The following SPON1 variants were observed in gnomAD, a reference collection of about 807,000 sequenced individuals.
SPON1 encodes spondin 1, also known as spondin-1.
In SPON1, 52 loss-of-function variants were observed where a neutral mutation model predicts 111.7. The observed-to-expected ratio is 0.47, with a 90% CI of 0.37 to 0.59. The LOEUF is 0.59. SPON1 is among the 20% of genes least tolerant of loss of function. The pLI, the probability that SPON1 is intolerant of heterozygous loss-of-function variation, is 0.00. For synonymous variants in SPON1, 410 were observed against 395.8 expected (o/e 1.04, Z -0.43); for missense variants, 957 against 1,068.5 (o/e 0.90, Z 1.46).
At chr11:14,124,016 G>C (rs542721319) in intron 5 of SPON1, among the ~76,000 whole-genome samples, 3 of 152,348 alleles carry the variant, frequency 2.0e-5, no homozygotes, top group Admixed American at 2.0e-4. Flanking sequence ...CAGAAGTCAA[G>C]TGAGCATATG....
chr11:14,003,359 G>A (rs1328895614), intron 2 of SPON1, among the ~76,000 whole-genome samples: 1 of 152,178 alleles, frequency 6.6e-6, no homozygotes, highest in Non-Finnish European at 1.5e-5. Context: ...ACCGAACAGC[G>A]AGAGAAAAGG....
At chr11:14,184,263 T>C (rs1030369419) in intron 6 of SPON1, among the ~76,000 whole-genome samples, 1 of 152,198 alleles carries the variant, frequency 6.6e-6, no homozygotes, top group African/African-American at 2.4e-5. Flanking sequence ...ATCTACTAAC[T>C]TATAGCTATT....
Position 14,257,668 on chromosome 11 carries a change from G to A in SPON1, c.1310-48G>A, listed in dbSNP as rs553529583. 11 of 1,519,872 alleles carry A rather than the reference G, an allele frequency of 7.2e-6. No homozygotes were observed. The African/African-American group carries it at 8.2e-5, about 11-fold the overall frequency. The allele number at this position is 1,519,872 out of a possible 1,614,324, so 94.1% of individuals were successfully genotyped here. A position where few individuals can be genotyped will look rare whatever the true frequency, so the allele number is the denominator to read the frequency against. ...AGCTGGTATGGGGAGAGGGCCAGTG[G>A]CAGCTCCCATAGGTTCCCAGGGAAA... is the stretch of plus-strand genomic sequence containing the variant. On this transcript the variant is annotated intron_variant, in intron 10 of 15. Transcript: ENST00000576479.
chr11:14,042,460 GT>G (rs1554917385), intron 3 of SPON1, among the ~76,000 whole-genome samples: 1 of 152,052 alleles, frequency 6.6e-6, no homozygotes, highest in African/African-American at 2.4e-5. Flanking sequence ...AACATTCACA[GT>G]TTGGTGAAAC....
chr11:14,221,163 T>A (rs1848676539), intron 6 of SPON1, among the ~76,000 whole-genome samples: 1 of 152,158 alleles, frequency 6.6e-6, no homozygotes, highest in South Asian at 2.1e-4. Flanking sequence ...ATTTTGTGCA[T>A]CCTCCTGAAA....
intron 6 of SPON1, among the ~76,000 whole-genome samples, chr11:14,198,679 A>C (rs1405558136): frequency 6.6e-6 from 1 of 152,116 alleles, no homozygotes; most frequent in Non-Finnish European, 1.5e-5. Context: ...TGGACTCAGC[A>C]CCTCTTTCGG....
chr11:14,236,801 G>C (rs1451695291), intron 6 of SPON1, among the ~76,000 whole-genome samples: 1 of 152,038 alleles, frequency 6.6e-6, no homozygotes, highest in Non-Finnish European at 1.5e-5. Flanking sequence ...GACCAGCTGT[G>C]TCAAATACTG....
At chr11:14,133,360 T>C (rs981420251) in intron 5 of SPON1, among the ~76,000 whole-genome samples, 3 of 152,202 alleles carry the variant, frequency 2.0e-5, no homozygotes, top group Non-Finnish European at 2.9e-5. Context: ...TTCAGCCTAG[T>C]GAGATAACAG....
At chr11:14,118,709 G>A (rs1048194473) in intron 5 of SPON1, among the ~76,000 whole-genome samples, 13 of 152,102 alleles carry the variant, frequency 8.5e-5, no homozygotes, top group East Asian at 5.8e-4. Context: ...AACTAATCCC[G>A]GTGACAGGCA....
chr11:14,212,194 G>A (rs187056012), intron 6 of SPON1, among the ~76,000 whole-genome samples: 9 of 151,468 alleles, frequency 5.9e-5, no homozygotes, highest in Non-Finnish European at 1.0e-4. Flanking sequence ...GATGGAGTCC[G>A]GCCTTGTCTG....
At chr11:14,255,338 C>T (rs782441751) in intron 8 of SPON1, among the ~76,000 whole-genome samples, 12 of 152,146 alleles carry the variant, frequency 7.9e-5, no homozygotes, top group South Asian at 4.1e-4. Flanking sequence ...TTTCCAATGC[C>T]GGGTCTATTA....
At chr11:14,122,361 G>A (rs557020297) in intron 5 of SPON1, among the ~76,000 whole-genome samples, 5 of 152,204 alleles carry the variant, frequency 3.3e-5, no homozygotes, top group African/African-American at 1.2e-4. Flanking sequence ...TTTTAGTAGA[G>A]ACAGGGTTTC....
intron 6 of SPON1, among the ~76,000 whole-genome samples, chr11:14,194,095 G>A (rs1848375376): frequency 6.6e-6 from 1 of 152,186 alleles, no homozygotes; most frequent in Non-Finnish European, 1.5e-5. Flanking sequence ...CTCATCCTGT[G>A]CCCAGCACAG....
intron 14 of SPON1, among the ~76,000 whole-genome samples, chr11:14,261,455 C>T (rs1178083524): frequency 6.6e-6 from 1 of 152,216 alleles, no homozygotes; most frequent in Non-Finnish European, 1.5e-5. Context: ...GCCGATGACT[C>T]AGCACCTCTG....
intron 3 of SPON1, among the ~76,000 whole-genome samples, chr11:14,046,226 G>A (rs923735175): frequency 4.6e-5 from 7 of 152,116 alleles, no homozygotes; most frequent in African/African-American, 9.7e-5. Flanking sequence ...TAAGACCTTC[G>A]GTTAAGGGAA....
At chr11:14,248,277 G>T (rs1238142169) in intron 7 of SPON1, among the ~76,000 whole-genome samples, 1 of 152,162 alleles carries the variant, frequency 6.6e-6, no homozygotes, top group African/African-American at 2.4e-5. Flanking sequence ...ATGAGGTTAT[G>T]GAGTCAGCAA....
At position 14,192,359 on chromosome 11, in the gene SPON1, A is replaced by G. The variant is rs77377478; in HGVS notation, c.826-50973A>G. On this transcript the variant is annotated intron_variant, in intron 6 of 15. Coordinates refer to ENST00000576479, the MANE Select transcript of SPON1 (RefSeq NM_006108.4). ...CTGTTATGTCCTCAGTGCCTTGCACATAATAGATGCTCCATAAATATTTGT... is the reference window on the plus strand; with the variant it reads ...CTGTTATGTCCTCAGTGCCTTGCACGTAATAGATGCTCCATAAATATTTGT... 2.1e-3 allele frequency among the ~76,000 whole-genome samples: 315 copies of G among 152,280 alleles called. 3 individuals carry two copies. The East Asian group carries it at 0.052, about 25-fold the overall frequency.
intron 2 of SPON1, among the ~76,000 whole-genome samples, chr11:14,037,161 G>T (rs761450889): frequency 3.9e-5 from 6 of 151,976 alleles, no homozygotes; most frequent in African/African-American, 1.5e-4. Flanking sequence ...TGCACAATGT[G>T]CAGGTTTGTT....
At chr11:14,173,085 T>C (rs1251942848) in intron 6 of SPON1, among the ~76,000 whole-genome samples, 1 of 151,920 alleles carries the variant, frequency 6.6e-6, no homozygotes, top group African/African-American at 2.4e-5. Flanking sequence ...TCCTGCAGAG[T>C]GTTTTCCAAC....
Sources: gnomAD v4.1 joint callset for allele counts (sites outside exome capture counted in the v4.1 genomes callset) on GRCh38, gnomAD v4.1.1 for gene constraint, MANE v1.5 for transcripts, NCBI Gene and HGNC (gene_info 2026-07-23, HGNC 2026-07-21) for gene names.